The following SHISA6 variants were observed in gnomAD, a reference collection of about 807,000 sequenced individuals.
SHISA6 encodes the protein shisa family member 6.
A neutral mutation model predicts 47.9 loss-of-function variants in SHISA6; 22 were observed. The ratio of observed to expected loss-of-function variants is 0.46; its 90% CI spans 0.33 to 0.66. SHISA6 has a LOEUF of 0.66. SHISA6 is among the 30% of genes least tolerant of loss of function. The pLI, the probability that SHISA6 is intolerant of heterozygous loss-of-function variation, is 0.02. For missense variants in SHISA6, 680 were observed against 764.6 expected (o/e 0.89, Z 1.30); for synonymous variants, 388 against 337.8 (o/e 1.15, Z -1.63).
intron 2 of SHISA6, among the ~76,000 whole-genome samples, chr17:11,264,710 G>A (rs1908360760): frequency 6.6e-6 from 1 of 152,168 alleles, no homozygotes; most frequent in African/African-American, 2.4e-5. Flanking sequence ...CAGTGGGTGT[G>A]ATCAAATCCA....
chr17:11,244,526 C>T (rs982310584), intron 1 of SHISA6, among the ~76,000 whole-genome samples: 8 of 152,152 alleles, frequency 5.3e-5, no homozygotes, highest in Non-Finnish European at 1.2e-4. Flanking sequence ...AGTGTGACTA[C>T]ACCACTCTTC....
intron 3 of SHISA6, among the ~76,000 whole-genome samples, chr17:11,516,543 A>C (rs768901809): frequency 4.3e-4 from 66 of 152,190 alleles, no homozygotes; most frequent in Non-Finnish European, 7.3e-4. Context: ...GATCTCAGGG[A>C]GGAGGACCCC....
At chr17:11,251,136 C>T (rs538572028) in intron 1 of SHISA6, among the ~76,000 whole-genome samples, 20 of 152,192 alleles carry the variant, frequency 1.3e-4, no homozygotes, top group African/African-American at 4.6e-4. Flanking sequence ...GTCTCACCTT[C>T]CTGAATGTAA....
chr17:11,489,743 C>A (rs1429730565), intron 3 of SHISA6, among the ~76,000 whole-genome samples: 5 of 152,136 alleles, frequency 3.3e-5, no homozygotes, highest in Admixed American at 2.6e-4. Context: ...CCCCAGAGAA[C>A]CTTTGGCAAT....
At chr17:11,501,844 C>A (rs1266682586) in intron 3 of SHISA6, among the ~76,000 whole-genome samples, 1 of 152,094 alleles carries the variant, frequency 6.6e-6, no homozygotes, top group East Asian at 1.9e-4. Flanking sequence ...AGCTCTTGTT[C>A]TCTCTCCTAA....
At chr17:11,393,271 T>C (rs1438840241) in intron 3 of SHISA6, among the ~76,000 whole-genome samples, 6 of 152,168 alleles carry the variant, frequency 3.9e-5, no homozygotes, top group Non-Finnish European at 8.8e-5. Flanking sequence ...TTGACATCTT[T>C]CTCTCTCTCA....
chr17:11,399,713 C>T (rs1913700238), intron 3 of SHISA6, among the ~76,000 whole-genome samples: 1 of 152,158 alleles, frequency 6.6e-6, no homozygotes, highest in Admixed American at 6.5e-5. Flanking sequence ...TGAGGCACTG[C>T]GCCCAGCCCA....
intron 3 of SHISA6, among the ~76,000 whole-genome samples, chr17:11,543,920 AAAAAAAC>A (rs1597579038): frequency 6.7e-6 from 1 of 150,186 alleles, no homozygotes; most frequent in East Asian, 1.9e-4. Context: ...CAAAAAAAAA[AAAAAAAC>A]AAAAAAAAGA....
intron 2 of SHISA6, among the ~76,000 whole-genome samples, chr17:11,350,194 T>TA (rs1911835471): frequency 3.4e-5 from 4 of 116,904 alleles, no homozygotes; most frequent in African/African-American, 1.0e-4. Flanking sequence ...TTTTTTTTTT[T>TA]TTTGAGACGG....
intron 1 of SHISA6, among the ~76,000 whole-genome samples, chr17:11,258,537 T>C (rs946520057): frequency 2.8e-4 from 43 of 152,312 alleles, no homozygotes; most frequent in African/African-American, 9.6e-4. Context: ...AGTTTTCATT[T>C]TGGTGCTCTT....
intron 3 of SHISA6, among the ~76,000 whole-genome samples, chr17:11,449,642 A>G (rs1418926060): frequency 1.3e-5 from 2 of 152,156 alleles, no homozygotes; most frequent in African/African-American, 4.8e-5. Context: ...TGGTGTGCTA[A>G]GCCTACTGTA....
rs889401580 is a variant in SHISA6, at chr17:11,241,494, C to T, written c.72C>T (p.His24=). The T allele has an allele frequency of 6.0e-6, 7 of 1,166,106 alleles. No homozygotes were observed. The Admixed American group carries it at 1.2e-4, about 20-fold the overall frequency. 72.2% of individuals were successfully genotyped at this position (1,166,106 alleles called of 1,614,324 possible). Reference sequence around the variant, plus strand: ...CCCTGGACCTGCTGCCCAGCGTCCACGGAGCCCGCGGCCGCGCCGCCAACC... The same window carrying T: ...CCCTGGACCTGCTGCCCAGCGTCCATGGAGCCCGCGGCCGCGCCGCCAACC... ...LESLDLLPSV[H]GARGRAANRT... is the part of the protein sequence containing the mutation. The change falls in exon 1 of 6, where the codon CAC becomes CAT. Residue 24 remains histidine, a synonymous_variant. Coordinates refer to ENST00000441885, the MANE Select transcript of SHISA6 (RefSeq NM_207386.4). The surrounding 1 kb of genome is among the most constrained non-coding windows in gnomAD (Gnocchi z 5.5).
chr17:11,358,909 C>T (rs115869279), intron 2 of SHISA6, among the ~76,000 whole-genome samples: 6,613 of 152,246 alleles, frequency 0.043, 254 homozygotes, highest in Admixed American at 0.098. Context: ...ATCTGCCCAC[C>T]TTGGCCTCCC....
chr17:11,381,986 A>C (rs764664445), intron 3 of SHISA6, among the ~76,000 whole-genome samples: 7 of 152,284 alleles, frequency 4.6e-5, no homozygotes, highest in Non-Finnish European at 8.8e-5. Context: ...GAACAGCTAA[A>C]GTTTCAAGAA....
intron 3 of SHISA6, among the ~76,000 whole-genome samples, chr17:11,430,417 A>G (rs987826561): frequency 2.0e-5 from 3 of 152,212 alleles, no homozygotes; most frequent in African/African-American, 7.2e-5. Flanking sequence ...CTGAGGGACT[A>G]TGATCAACAG....
intron 3 of SHISA6, among the ~76,000 whole-genome samples, chr17:11,535,808 G>T (rs1335733949): frequency 6.6e-6 from 1 of 152,110 alleles, no homozygotes; most frequent in African/African-American, 2.4e-5. Flanking sequence ...CAGACTTGTT[G>T]TGAGGTTCAA....
At chr17:11,532,430 C>T (rs2071742852) in intron 3 of SHISA6, among the ~76,000 whole-genome samples, 1 of 152,208 alleles carries the variant, frequency 6.6e-6, no homozygotes, top group Non-Finnish European at 1.5e-5. Context: ...CCTTCCTTAT[C>T]TCTCTCAGAG....
chr17:11,542,887 G>A (rs1195483013), intron 3 of SHISA6, among the ~76,000 whole-genome samples: 2 of 152,098 alleles, frequency 1.3e-5, no homozygotes, highest in Non-Finnish European at 2.9e-5. Flanking sequence ...CCTGAGGGTT[G>A]CTTGCAGGTG....
chr17:11,542,448 G>T (rs1217276303), intron 3 of SHISA6, among the ~76,000 whole-genome samples: 1 of 152,022 alleles, frequency 6.6e-6, no homozygotes, highest in African/African-American at 2.4e-5. Flanking sequence ...AAAATTATTT[G>T]CTAGCAAATC....
Sources: allele counts gnomAD v4.1 joint callset (sites outside exome capture counted in the v4.1 genomes callset), GRCh38; gene constraint gnomAD v4.1.1; non-coding constraint Gnocchi (gnomAD v3.1); transcripts MANE v1.5; gene names NCBI Gene and HGNC (gene_info 2026-07-23, HGNC 2026-07-21).